BEGAIN: variants seen among roughly 807,000 people sequenced by gnomAD.
The protein encoded by BEGAIN is brain-enriched guanylate kinase-associated protein.
In BEGAIN, 19 loss-of-function variants were observed where a neutral mutation model predicts 35.8. That is an observed-to-expected ratio of 0.53 (90% confidence interval 0.37 to 0.78). BEGAIN has a LOEUF of 0.78. Ranked by LOEUF, BEGAIN falls within the 30% of genes least tolerant of loss-of-function variation. BEGAIN has a pLI of 0.00. For missense variants in BEGAIN, 795 were observed against 853.6 expected, an observed-to-expected ratio of 0.93 and a Z score of 0.85; for synonymous variants, 462 against 388.6, an observed-to-expected ratio of 1.19 and a Z score of -2.22.
In BEGAIN at chr14:100,568,072, C is replaced by G; in HGVS notation, c.43-133G>C. The G allele has an allele frequency of 1.8e-6, 2 of 1,085,454 alleles. No individual in the cohort carries two copies. Among genetic ancestry groups the G allele is most frequent in the South Asian group, 4.4e-5 (1 of 22,748 alleles). 67.2% of individuals were successfully genotyped at this position (1,085,454 alleles called of 1,614,324 possible). A position where few individuals can be genotyped will look rare whatever the true frequency, so the allele number is the denominator to read the frequency against. ...CGTCCGTGGGAAGCCCGGCGCCGCG[C>G]GTCCCCAGCTTCCAGTCCCGGCCGC... is the stretch of plus-strand genomic sequence containing the variant. On this transcript the variant is annotated intron_variant, in intron 1 of 6. Coordinates refer to ENST00000554140, the MANE Select transcript of BEGAIN (RefSeq NM_001385089.1). This position sits in a 1 kb window ranked among gnomAD's most constrained non-coding sequence, Gnocchi z 7.5.
chr14:100,545,521 G>T (rs994564978), intron 3 of BEGAIN: 1 of 793,892 alleles, frequency 1.3e-6, no homozygotes, highest in Non-Finnish European at 1.5e-6. Context: ...AACAAGACTC[G>T]GTTCTGCCGG....
intron 1 of BEGAIN, among the ~76,000 whole-genome samples, chr14:100,585,229 A>ATCCC (rs1238908749): frequency 5.0e-5 from 1 of 20,058 alleles, no homozygotes; most frequent in Non-Finnish European, 1.2e-4. Context: ...CCATCCATCC[A>ATCCC]TCCCTCCCTC....
At chr14:100,556,562 C>A (rs538490646) in intron 2 of BEGAIN, among the ~76,000 whole-genome samples, 1 of 152,192 alleles carries the variant, frequency 6.6e-6, no homozygotes, top group East Asian at 1.9e-4. Context: ...CTGTTCACCC[C>A]CTCCAGGAAG....
intron 1 of BEGAIN, among the ~76,000 whole-genome samples, chr14:100,576,538 C>T (rs1199772611): frequency 2.0e-5 from 3 of 152,200 alleles, no homozygotes; most frequent in Admixed American, 2.0e-4. Flanking sequence ...TCCTGGGTGG[C>T]TACAGGTTGA....
In BEGAIN at chr14:100,577,705, G is replaced by A. The variant is rs1595151753; in HGVS notation, c.42+9544C>T. ...CCGGCTGCCTGTGTTCAGGGACTCT[G>A]GGGAGGAAGGCTGGGCTGGCGACAC... On this transcript the variant is annotated intron_variant, in intron 1 of 6. Transcript: ENST00000554140. 1.5e-5 allele frequency: 6 copies of A among 399,144 alleles called. No individual in the cohort carries two copies. The East Asian group carries it at 2.1e-4, about 14-fold the overall frequency. 24.7% of individuals were successfully genotyped at this position (399,144 alleles called of 1,614,324 possible). A position where few individuals can be genotyped will look rare whatever the true frequency, so the allele number is the denominator to read the frequency against.
rs1196583085 is a variant in BEGAIN, at chr14:100,567,877, C to T, written c.71+34G>A. On this transcript the variant is annotated intron_variant, in intron 2 of 6. Coordinates refer to ENST00000554140, the MANE Select transcript of BEGAIN (RefSeq NM_001385089.1). The surrounding 1 kb of genome is among the most constrained non-coding windows in gnomAD (Gnocchi z 5.1). ...AGCGCCCTCACCCCCGACCCGGCCC[C>T]CGCGAGCCGCGGCACGGGAGACGCT... 6.8e-7 allele frequency: 1 copy of T among 1,465,662 alleles called. No homozygotes were observed. Among genetic ancestry groups the T allele is most frequent in the Non-Finnish European group, 9.1e-7 (1 of 1,099,970 alleles). The allele number at this position is 1,465,662 out of a possible 1,614,324, so 90.8% of individuals were successfully genotyped here. A position where few individuals can be genotyped will look rare whatever the true frequency, so the allele number is the denominator to read the frequency against.
chr14:100,568,939 G>A lies in BEGAIN; in HGVS notation c.43-1000C>T, dbSNP rs1341549237. ...ACTGCCCATCCCGGCCCCTCGCGCC[G>A]GGCGCCGCCGCCGCGTCCGCCGGGA... On this transcript the variant is annotated intron_variant, in intron 1 of 6. Transcript: ENST00000554140. The surrounding 1 kb of genome is among the most constrained non-coding windows in gnomAD (Gnocchi z 7.5). 4.1e-6 allele frequency: 4 copies of A among 983,330 alleles called. No homozygotes were observed. Among genetic ancestry groups the A allele is most frequent in the African/African-American group, 1.8e-5 (1 of 56,966 alleles). 60.9% of individuals were successfully genotyped at this position (983,330 alleles called of 1,614,324 possible).
chr14:100,554,449 C>T (rs1380835696), intron 2 of BEGAIN, among the ~76,000 whole-genome samples: 3 of 152,144 alleles, frequency 2.0e-5, no homozygotes, highest in Admixed American at 6.5e-5. Flanking sequence ...CACTAAATTG[C>T]TCCTCCTCCC....
intron 5 of BEGAIN, 26 bp from the exon 6 acceptor site, chr14:100,540,605 C>T (rs781503995): frequency 1.5e-5 from 24 of 1,555,380 alleles, no homozygotes; most frequent in Middle Eastern, 1.7e-4. Context: ...AGGCGTTTGG[C>T]GCCATTCACC....
At chr14:100,545,120 C>T (rs1330052680) in intron 3 of BEGAIN, 54 bp from the exon 4 acceptor site, 8 of 1,609,854 alleles carry the variant, frequency 5.0e-6, no homozygotes, top group Non-Finnish European at 6.8e-6. Context: ...CCTCCCACGA[C>T]CCTTATGGCC....
At chr14:100,583,293 G>T (rs1366613958) in intron 1 of BEGAIN, among the ~76,000 whole-genome samples, 1 of 151,904 alleles carries the variant, frequency 6.6e-6, no homozygotes, top group African/African-American at 2.4e-5. Context: ...ACCTATCCAT[G>T]CACTCACTCT....
At position 100,563,276 on chromosome 14, in the gene BEGAIN, T is replaced by C. The variant is rs2034429592; in HGVS notation, c.71+4635A>G. 6.6e-6 allele frequency among the ~76,000 whole-genome samples: 1 copy of C among 152,150 alleles called. No homozygotes were observed. Among genetic ancestry groups the C allele is most frequent in the African/African-American group, 2.4e-5 (1 of 41,430 alleles). On this transcript the variant is annotated intron_variant, in intron 2 of 6. Transcript: ENST00000554140. This position sits in a 1 kb window ranked among gnomAD's most constrained non-coding sequence, Gnocchi z 4.2. ...ACCAAAAAGGAGCTCAACCTTGACC[T>C]CTAACCACATGCAAACCCAAGTTCA... is the stretch of plus-strand genomic sequence containing the variant.
chr14:100,546,703 A>T, intron 2 of BEGAIN, 41 bp from the exon 3 acceptor site: 3 of 1,522,610 alleles, frequency 2.0e-6, no homozygotes, highest in Non-Finnish European at 2.6e-6. Flanking sequence ...CGCGGCGCTG[A>T]GCGGGGGAAA....
At chr14:100,559,862 T>C (rs1339914915) in intron 2 of BEGAIN, among the ~76,000 whole-genome samples, 1 of 152,178 alleles carries the variant, frequency 6.6e-6, no homozygotes, top group Non-Finnish European at 1.5e-5. Flanking sequence ...AAGAAAAGCC[T>C]GCAGCTACGG....
chr14:100,583,004 C>A (rs978131800), intron 1 of BEGAIN, among the ~76,000 whole-genome samples: 3 of 150,830 alleles, frequency 2.0e-5, no homozygotes, highest in African/African-American at 7.3e-5. Context: ...AACCAACCGT[C>A]CTTCACCATC....
chr14:100,537,975 G>T lies in BEGAIN; in HGVS notation c.1833C>A (p.Leu611=), dbSNP rs763958056. 13 of 1,607,724 alleles carry T rather than the reference G, an allele frequency of 8.1e-6. No homozygotes were observed. The highest frequency in any genetic ancestry group is 1.7e-6 in the Non-Finnish European group (2 of 1,178,120). The stretch of plus-strand genomic sequence containing the variant: ...CAGGCCTGCACGCAGGCGCTCAGTT[G>T]AGCAAGGTTCCGTAGAGCTGGGCCT... ...LTKAQLYGTL[L]N The change falls in exon 7 of 7, where the codon CTC becomes CTA. Residue 611 remains leucine (L), a synonymous_variant. Transcript: ENST00000554140.
intron 3 of BEGAIN, chr14:100,545,929 T>A (rs531164430): frequency 1.3e-5 from 2 of 152,336 alleles, no homozygotes; most frequent in Non-Finnish European, 2.9e-5. Context: ...TTGCATTTTC[T>A]GTTTAAGAAG....
chr14:100,538,666 G>T lies in BEGAIN; in HGVS notation c.1142C>A (p.Ala381Asp). ...ATAAVAAPLE[A>D]EVAPGFGRTM... ...CCGCCCGAAGCCTGGGGCCACTTCGGCCTCCAGCGGGGCCGCCACCGCGGC... is the reference window on the plus strand; with the variant it reads ...CCGCCCGAAGCCTGGGGCCACTTCGTCCTCCAGCGGGGCCGCCACCGCGGC... The change falls in exon 7 of 7, where the codon GCC becomes GAC. Residue 381 changes from alanine to aspartate, a missense_variant. This residue lies in a region of BEGAIN where 664 missense variants were observed against 647.7 expected (regional missense o/e 1.03). Transcript: ENST00000554140. The T allele has an allele frequency of 6.4e-7, 1 of 1,550,676 alleles. No individual in the cohort carries two copies. Among genetic ancestry groups the T allele is most frequent in the East Asian group, 2.4e-5 (1 of 41,096 alleles).
At chr14:100,556,651 C>T (rs939108275) in intron 2 of BEGAIN, among the ~76,000 whole-genome samples, 16 of 152,206 alleles carry the variant, frequency 1.1e-4, no homozygotes, top group African/African-American at 3.6e-4. Flanking sequence ...GGCACAAGGG[C>T]TGTCTCCTCA....
Sources: allele counts gnomAD v4.1 joint callset (sites outside exome capture counted in the v4.1 genomes callset), GRCh38; gene constraint gnomAD v4.1.1; regional missense constraint gnomAD v4.1.1; non-coding constraint Gnocchi (gnomAD v3.1); transcripts MANE v1.5; gene names NCBI Gene and HGNC (gene_info 2026-07-23, HGNC 2026-07-21).